The following GPATCH1 variants were observed in gnomAD, a reference collection of about 807,000 sequenced individuals.
The protein encoded by GPATCH1 is G-patch domain containing 1.
GPATCH1 carries 73 observed loss-of-function variants against 114.9 expected under a neutral mutation model. That is an observed-to-expected ratio of 0.64 (90% CI 0.53 to 0.77). The LOEUF (loss-of-function observed/expected upper bound fraction) is 0.77, where lower values mean the gene tolerates loss of function less well. Among genes scored for constraint, GPATCH1 ranks in the 30% least tolerant of loss-of-function variants. The pLI is 0.00. For synonymous variants in GPATCH1, 391 were observed against 428.4 expected (o/e 0.91, Z 1.08); for missense variants, 1,058 against 1,144.3 (o/e 0.92, Z 1.09).
intron 1 of GPATCH1, 22 bp from the exon 2 acceptor site, chr19:33,088,112 C>CT (rs35343047): frequency 0.017 from 19,073 of 1,101,692 alleles, 3 homozygotes; most frequent in Non-Finnish European, 0.019. Context: ...ATTTAAAAAA[C>CT]TTTTTTTTTT....
intron 8 of GPATCH1, among the ~76,000 whole-genome samples, chr19:33,100,496 G>A (rs746586569): frequency 2.5e-4 from 37 of 148,218 alleles, no homozygotes; most frequent in Middle Eastern, 3.4e-3. Context: ...GCTGAGGCAC[G>A]AGAATCACTT....
At chr19:33,112,697 C>A (rs1599862338) in intron 13 of GPATCH1, 84 bp downstream of exon 13, 3 of 1,023,706 alleles carry the variant, frequency 2.9e-6, no homozygotes, top group East Asian at 2.6e-5. Flanking sequence ...CATATAAATT[C>A]TTATTTTTTC....
rs770459529 is a variant in GPATCH1, at chr19:33,109,785, G to A, written c.1354G>A (p.Ala452Thr). Residue 452 changes from alanine (A) to threonine (T), a missense_variant, in exon 11 of 20, where the codon GCA (alanine) becomes ACA (threonine). This residue lies in a region of GPATCH1 where 893 missense variants were observed against 977.4 expected (regional missense o/e 0.91). Transcript: ENST00000170564. Reference sequence around the variant, plus strand: ...AGAGAGAATCAAAGAAATGAAGCAGGCAACTGACCTGAAAGCAGCTCAGCT... The same window carrying A: ...AGAGAGAATCAAAGAAATGAAGCAGACAACTGACCTGAAAGCAGCTCAGCT... ...DKERIKEMKQ[A>T]TDLKAAQLKA... 3 of 1,606,150 alleles carry A rather than the reference G, an allele frequency of 1.9e-6. No individual in the cohort carries two copies. Among genetic ancestry groups the A allele is most frequent in the Non-Finnish European group, 2.6e-6 (3 of 1,176,158 alleles).
chr19:33,087,887 G>C (rs954645209), intron 1 of GPATCH1, among the ~76,000 whole-genome samples: 3 of 151,780 alleles, frequency 2.0e-5, no homozygotes, highest in Non-Finnish European at 4.4e-5. Context: ...ATTTTGCCAT[G>C]TTGACCAGGT....
intron 19 of GPATCH1, among the ~76,000 whole-genome samples, chr19:33,127,494 C>T (rs1241811024): frequency 2.7e-4 from 39 of 144,144 alleles, no homozygotes; most frequent in Admixed American, 2.1e-3. Context: ...CCAGCCTGGG[C>T]GACAGAGCGA....
At chr19:33,083,108 G>A (rs928007951) in intron 1 of GPATCH1, among the ~76,000 whole-genome samples, 4 of 90,324 alleles carry the variant, frequency 4.4e-5, no homozygotes, top group Non-Finnish European at 8.3e-5. Flanking sequence ...GGGCGTGGTG[G>A]GGGGGGGCTC....
In GPATCH1 at chr19:33,117,828, G is replaced by A. The variant is rs746658595; in HGVS notation, c.2200G>A (p.Val734Ile). ...TCTTATTTCACTGTCAATACAGACC[G>A]TCAACAAAGATGTGGACGCACAGGC... ...HAPELSANQT[V>I]NKDVDAQAEG... The change falls in exon 16 of 20, where the codon GTC (valine) becomes ATC (isoleucine). Residue 734 changes from valine (V) to isoleucine (I), a missense_variant. Physicochemically the swap from Val to Ile is conservative, Grantham distance 29. Coordinates refer to ENST00000170564, the MANE Select transcript of GPATCH1 (RefSeq NM_018025.3). 5 of 1,611,688 alleles carry A rather than the reference G, an allele frequency of 3.1e-6. No individual in the cohort carries two copies. Among genetic ancestry groups the A allele is most frequent in the Non-Finnish European group, 3.4e-6 (4 of 1,178,606 alleles).
intron 2 of GPATCH1, 30 bp from the exon 3 acceptor site, chr19:33,090,750 T>C (rs1469793186): frequency 7.0e-7 from 1 of 1,423,620 alleles, no homozygotes; most frequent in Admixed American, 1.7e-5. Context: ...CTCTCTAGGA[T>C]TGTAAAGTTC....
chr19:33,104,831 A>G lies in GPATCH1; in HGVS notation c.1081-1864A>G, dbSNP rs1599858565. On this transcript the variant is annotated intron_variant, in intron 9 of 19. Coordinates refer to ENST00000170564, the MANE Select transcript of GPATCH1 (RefSeq NM_018025.3). ...GAATATTTCAGTGTGAATTTGGGGG[A>G]AAAAAATAGTAAAGAAAAGTCTAGA... 2.0e-5 allele frequency among the ~76,000 whole-genome samples: 3 copies of G among 151,908 alleles called. No homozygotes were observed. In the South Asian group the frequency reaches 6.2e-4, roughly 31 times the overall value.
rs369091951 is a variant in GPATCH1 at position 33,109,282 on chromosome 19, C to G, written c.1286-435C>G. On this transcript the variant is annotated intron_variant, in intron 10 of 19. Coordinates refer to ENST00000170564, the MANE Select transcript of GPATCH1 (RefSeq NM_018025.3). The stretch of plus-strand genomic sequence containing the variant: ...CTGTAATCCCAGCACTTTGGGAGGC[C>G]GAGGCGGGTGGATCACCTGAGGTCA... Among the ~76,000 whole-genome samples the G allele has an allele frequency of 1.1e-4, 17 of 152,196 alleles. No homozygotes were observed. In the East Asian group the frequency reaches 3.1e-3, roughly 28 times the overall value.
chr19:33,095,962 T>C (rs565607902), intron 6 of GPATCH1, 142 bp downstream of exon 6: 1 of 756,908 alleles, frequency 1.3e-6, no homozygotes, highest in South Asian at 1.5e-5. Flanking sequence ...CTATCCTCAT[T>C]ATATCAGCAT....
At position 33,090,801 on chromosome 19, in the gene GPATCH1, T is replaced by C. The variant is rs1021350790; in HGVS notation, c.230T>C (p.Val77Ala). 4 of 1,612,318 alleles carry C rather than the reference T, an allele frequency of 2.5e-6. No individual in the cohort carries two copies. In the Middle Eastern group the frequency reaches 5.0e-4, roughly 200 times the overall value. The change falls in exon 3 of 20, where the codon GTG (valine) becomes GCG (alanine). Residue 77 changes from valine (V) to alanine (A), a missense_variant. Around this residue, in one of 3 missense-constraint regions of GPATCH1, gnomAD observed 131 missense variants for 107.2 expected, o/e 1.22. Coordinates refer to ENST00000170564, the MANE Select transcript of GPATCH1 (RefSeq NM_018025.3). The stretch of plus-strand genomic sequence containing the variant: ...TCAGGATGGACACCCTCTACCTTTG[T>C]GTCTTCACGACAGAACAGAGCAGAC... Reference protein sequence around the residue: ...SKEGWTPSTFVSSRQNRADKS... With the variant: ...SKEGWTPSTFASSRQNRADKS...
At chr19:33,123,917 G>A (rs1226935669) in intron 17 of GPATCH1, among the ~76,000 whole-genome samples, 9 of 150,994 alleles carry the variant, frequency 6.0e-5, no homozygotes, top group African/African-American at 1.7e-4. Context: ...AGTGTAGCAC[G>A]ATCTCGGCTC....
intron 1 of GPATCH1, among the ~76,000 whole-genome samples, chr19:33,087,545 G>A (rs1020798537): frequency 1.9e-4 from 29 of 152,166 alleles, no homozygotes; most frequent in African/African-American, 5.8e-4. Flanking sequence ...GAAAAATGCC[G>A]GATTCAGGGA....
chr19:33,124,465 G>A (rs952533442), intron 17 of GPATCH1, among the ~76,000 whole-genome samples: 3 of 152,126 alleles, frequency 2.0e-5, no homozygotes, highest in African/African-American at 7.2e-5. Flanking sequence ...ATGAGCCACC[G>A]CTCCCAGCCC....
chr19:33,081,603 A>G (rs1677532570), intron 1 of GPATCH1, among the ~76,000 whole-genome samples: 1 of 152,112 alleles, frequency 6.6e-6, no homozygotes, highest in African/African-American at 2.4e-5. Flanking sequence ...CCGAGGAAGA[A>G]AACAACCATG....
chr19:33,086,841 G>A (rs542118661), intron 1 of GPATCH1, among the ~76,000 whole-genome samples: 1 of 151,864 alleles, frequency 6.6e-6, no homozygotes, highest in African/African-American at 2.4e-5. Context: ...GGACGCGGTC[G>A]CTCACACCTG....
intron 17 of GPATCH1, among the ~76,000 whole-genome samples, chr19:33,119,448 C>T (rs774130144): frequency 5.3e-5 from 8 of 152,082 alleles, no homozygotes; most frequent in Non-Finnish European, 8.8e-5. Flanking sequence ...GCCTGTAATC[C>T]CAGCACTTTG....
At chr19:33,114,022 A>C (rs1972889075) in intron 14 of GPATCH1, 119 bp downstream of exon 14, 4 of 905,322 alleles carry the variant, frequency 4.4e-6, no homozygotes, top group Non-Finnish European at 5.1e-6. Flanking sequence ...TTCTCCCTCC[A>C]TTGAGGGAAT....
Sources: gnomAD v4.1 joint callset for allele counts (sites outside exome capture counted in the v4.1 genomes callset) on GRCh38, gnomAD v4.1.1 for gene constraint, gnomAD v4.1.1 regional missense constraint, MANE v1.5 for transcripts, NCBI Gene and HGNC (gene_info 2026-07-23, HGNC 2026-07-21) for gene names.